PRAM1: variants seen among roughly 807,000 people sequenced by gnomAD.
PRAM1 encodes the protein PML-RARA regulated adaptor molecule 1.
In PRAM1, 41 loss-of-function variants were observed where a neutral mutation model predicts 55.3. The ratio of observed to expected loss-of-function variants is 0.74; its 90% CI spans 0.58 to 0.96. PRAM1 has a LOEUF of 0.96. Among genes scored for constraint, PRAM1 ranks in the 40% least tolerant of loss-of-function variants. The probability of loss-of-function intolerance (pLI) is 0.00; values close to 1 mark genes in which losing one functional copy is unlikely to be tolerated. For synonymous variants in PRAM1, 401 were observed against 387.1 expected (o/e 1.04, Z -0.42); for missense variants, 898 against 892.7 (o/e 1.01, Z -0.08).
rs545393487 is a variant in PRAM1, at chr19:8,502,262, C to T, written c.27+303G>A. ...AAGCACTGCTCTCACCCCAGCAGCC[C>T]GTTCCCACATGGCTGCTCATGTTGA... On this transcript the variant is annotated intron_variant, in intron 1 of 9. Transcript: ENST00000423345. Among the ~76,000 whole-genome samples the T allele has an allele frequency of 3.3e-5, 5 of 152,250 alleles. No homozygotes were observed. In the South Asian group the frequency reaches 6.2e-4, roughly 19 times the overall value.
At chr19:8,491,384 T>C (rs1285823391) in intron 4 of PRAM1, 4 of 595,470 alleles carry the variant, frequency 6.7e-6, no homozygotes, top group Admixed American at 2.9e-5. Context: ...CAGGTGTCCA[T>C]CACCACACCT....
Position 8,490,512 on chromosome 19 carries a change from G to A in PRAM1, c.1907-3C>T. The A allele has an allele frequency of 6.2e-7, 1 of 1,610,552 alleles. No homozygotes were observed. Among genetic ancestry groups the A allele is most frequent in the South Asian group, 1.1e-5 (1 of 90,596 alleles). On this transcript the variant is annotated splice_polypyrimidine_tract_variant and splice_region_variant and intron_variant, in intron 7 of 9. Coordinates refer to ENST00000423345, the MANE Select transcript of PRAM1 (RefSeq NM_032152.5). The surrounding 1 kb of genome is among the most constrained non-coding windows in gnomAD (Gnocchi z 7.3). ...CGCTGTTCTGGGCACGTAGCCATCT[G>A]TGGAGAGAGTGGGCATGGTGGGTTC...
At chr19:8,496,095 C>T (rs1274599449) in intron 4 of PRAM1, 1 of 456,084 alleles carries the variant, frequency 2.2e-6, no homozygotes, top group Non-Finnish European at 4.4e-6. Flanking sequence ...CCTGGACATC[C>T]CCTCAGCTAC....
chr19:8,497,867 CTTCTTT>C, intron 3 of PRAM1, 27 bp from the exon 4 acceptor site: 2 of 676,036 alleles, frequency 3.0e-6, no homozygotes, highest in African/African-American at 2.4e-5. Flanking sequence ...GATGAGGCCT[CTTCTTT>C]TTTTTTTTTT....
At chr19:8,502,463 C>CCCGG in intron 1 of PRAM1, 102 bp downstream of exon 1, 3 of 518,122 alleles carry the variant, frequency 5.8e-6, no homozygotes, top group Non-Finnish European at 1.0e-5. Flanking sequence ...AGCCACCCCC[C>CCCGG]GCCCCCCCGC....
At position 8,498,861 on chromosome 19, in the gene PRAM1, G is replaced by T; in HGVS notation, c.947C>A (p.Ala316Glu). ...PKRPRPAEFK[A>E]LSKKPPQPEL... ...GGGCTGCGGGGGCTTCTTGGAGAGC[G>T]CTTTGAATTCGGCCGGCCGCGGCCT... The change falls in exon 2 of 10, where the codon GCG becomes GAG. Residue 316 changes from alanine to glutamate, a missense_variant. Coordinates refer to ENST00000423345, the MANE Select transcript of PRAM1 (RefSeq NM_032152.5). 1 of 1,609,390 alleles carries T rather than the reference G, an allele frequency of 6.2e-7. No homozygotes were observed. Among genetic ancestry groups the T allele is most frequent in the South Asian group, 1.1e-5 (1 of 90,476 alleles).
Position 8,499,611 on chromosome 19 carries a change from G to GC in PRAM1, c.196dup (p.Ala66GlyfsTer10). 1 of 1,600,260 alleles carries GC rather than the reference G, an allele frequency of 6.2e-7. No homozygotes were observed. Among genetic ancestry groups the GC allele is most frequent in the Non-Finnish European group, 8.5e-7 (1 of 1,177,026 alleles). The stretch of plus-strand genomic sequence containing the variant: ...AGGCGGCGGGGGCTTCAAGGACACT[G>GC]CACCAAACTCAGGCAGCGGGGCCTT... On this transcript the variant is annotated frameshift_variant, in exon 2 of 10. Transcript: ENST00000423345. LOFTEE classifies it high-confidence loss of function.
Position 8,491,085 on chromosome 19 carries a change from C to T in PRAM1, c.1634+15G>A, listed in dbSNP as rs1243998656. On this transcript the variant is annotated intron_variant, in intron 5 of 9. Transcript: ENST00000423345. ...AGCTCGCCCCCCGTCTGCCCACCCC[C>T]TCTGCCCATGGCACCTGAGCGCTGG... 3 of 1,612,292 alleles carry T rather than the reference C, an allele frequency of 1.9e-6. No individual in the cohort carries two copies. Among genetic ancestry groups the T allele is most frequent in the Admixed American group, 1.7e-5 (1 of 60,022 alleles).
Position 8,499,019 on chromosome 19 carries a change from C to T in PRAM1, c.789G>A (p.Lys263=). The T allele has an allele frequency of 6.2e-7, 1 of 1,613,732 alleles. No individual in the cohort carries two copies. Among genetic ancestry groups the T allele is most frequent in the African/African-American group, 1.3e-5 (1 of 74,954 alleles). ...PLWKPQSSEP[K]RDSSAFPKKA... ...TTTTGGGAAAGGCGCTGGAGTCGCGCTTCGGCTCGCTGGACTGAGGCTTCC... is the reference window on the plus strand; with the variant it reads ...TTTTGGGAAAGGCGCTGGAGTCGCGTTTCGGCTCGCTGGACTGAGGCTTCC... The change falls in exon 2 of 10, where the codon AAG becomes AAA. Residue 263 remains lysine, a synonymous_variant. Transcript: ENST00000423345.
intron 4 of PRAM1, among the ~76,000 whole-genome samples, 182 bp downstream of exon 4, chr19:8,497,582 G>A (rs531181956): frequency 6.6e-6 from 1 of 152,144 alleles, no homozygotes; most frequent in Non-Finnish European, 1.5e-5. Flanking sequence ...TGCCAACCTG[G>A]GCCACACCTC....
chr19:8,499,809 G>T, intron 1 of PRAM1, 29 bp from the exon 2 acceptor site: 1 of 1,543,858 alleles, frequency 6.5e-7, no homozygotes. Flanking sequence ...ATGAGGCAGG[G>T]GCTCAAACAC....
intron 4 of PRAM1, 21 bp from the exon 5 acceptor site, chr19:8,491,178 G>C (rs199626749): frequency 6.2e-7 from 1 of 1,605,818 alleles, no homozygotes; most frequent in Non-Finnish European, 8.5e-7. Context: ...TCAGGACTCC[G>C]AGTCAAGGCA....
chr19:8,490,459 T>G lies in PRAM1; in HGVS notation c.1940+17A>C. ...CACACCCCGCACTCCCCCACCACGG[T>G]CAGGGCTGGCACTCACAGGGGCAGG... is the stretch of plus-strand genomic sequence containing the variant. On this transcript the variant is annotated intron_variant, in intron 8 of 9. Transcript: ENST00000423345. The surrounding 1 kb of genome is among the most constrained non-coding windows in gnomAD (Gnocchi z 7.3). 6.2e-7 allele frequency: 1 copy of G among 1,613,022 alleles called. No homozygotes were observed. The highest frequency in any genetic ancestry group is 8.5e-7 in the Non-Finnish European group (1 of 1,179,568).
rs1262038112 is a variant in PRAM1, at chr19:8,498,759, C to T, written c.1049G>A (p.Arg350His). ...TGAGAACTTGCGGGGTGGCCCCCGG[C>T]GCTCCGGCTGCAGCAGCTTCCTGGG... ...SLPRKLLQPE[R>H]RGPPRKFSQP... The change falls in exon 2 of 10, where the codon CGC becomes CAC. Residue 350 changes from arginine (R) to histidine (H), a missense_variant. This residue lies in a region of PRAM1 where 787 missense variants were observed against 735.4 expected (regional missense o/e 1.07). Transcript: ENST00000423345. The T allele has an allele frequency of 1.3e-6, 2 of 1,572,364 alleles. No individual in the cohort carries two copies. The highest frequency in any genetic ancestry group is 1.9e-5 in the Admixed American group (1 of 52,680).
At position 8,499,690 on chromosome 19, in the gene PRAM1, C is replaced by G. The variant is rs368782291; in HGVS notation, c.118G>C (p.Glu40Gln). 5.6e-6 allele frequency: 9 copies of G among 1,613,848 alleles called. No homozygotes were observed. Among genetic ancestry groups the G allele is most frequent in the African/African-American group, 2.7e-5 (2 of 75,000 alleles). ...SDLPKKPPKP[E>Q]FGKLKKFSQP... ...GAGAACTTCTTCAGTTTACCAAACT[C>G]AGGCTTCGGAGGTTTTTTGGGCAGG... is the stretch of plus-strand genomic sequence containing the variant. Residue 40 changes from glutamate to glutamine, a missense_variant, in exon 2 of 10, where the codon GAG (glutamate) becomes CAG (glutamine). Physicochemically the swap from Glu to Gln is conservative, Grantham distance 29 (BLOSUM62 2). Transcript: ENST00000423345.
chr19:8,490,312 C>G lies in PRAM1; in HGVS notation c.1975+26G>C. ...CCCCCGGGGAATCGCCAGGGTCCCT[C>G]CAGCCCTCCCAGAGTGTCCACGTAC... is the stretch of plus-strand genomic sequence containing the variant. On this transcript the variant is annotated intron_variant, in intron 9 of 9. Coordinates refer to ENST00000423345, the MANE Select transcript of PRAM1 (RefSeq NM_032152.5). The surrounding 1 kb of genome is among the most constrained non-coding windows in gnomAD (Gnocchi z 7.3). The G allele has an allele frequency of 6.2e-7, 1 of 1,613,964 alleles. No homozygotes were observed. Among genetic ancestry groups the G allele is most frequent in the East Asian group, 2.2e-5 (1 of 44,872 alleles).
intron 1 of PRAM1, 27 bp downstream of exon 1, chr19:8,502,538 G>A (rs1327991615): frequency 4.7e-6 from 7 of 1,496,916 alleles, no homozygotes; most frequent in Non-Finnish European, 6.3e-6. Flanking sequence ...CCCAGCCAGT[G>A]AGGCACAGGC....
chr19:8,502,463 CG>C, intron 1 of PRAM1, 101 bp downstream of exon 1: 3 of 518,124 alleles, frequency 5.8e-6, no homozygotes, highest in African/African-American at 4.2e-5. Context: ...AGCCACCCCC[CG>C]CCCCCCCGCC....
chr19:8,490,777 G>C lies in PRAM1; in HGVS notation c.1744-21C>G, dbSNP rs1434818647. On this transcript the variant is annotated intron_variant, in intron 6 of 9. Coordinates refer to ENST00000423345, the MANE Select transcript of PRAM1 (RefSeq NM_032152.5). This position sits in a 1 kb window ranked among gnomAD's most constrained non-coding sequence, Gnocchi z 7.3. ...TCAAACTGGGGCGCGAGATGTTAGG[G>C]CCTCTGCTTGTGCTGCCGCCCTTGG... 6.2e-7 allele frequency: 1 copy of C among 1,607,114 alleles called. No individual in the cohort carries two copies. Among genetic ancestry groups the C allele is most frequent in the African/African-American group, 1.3e-5 (1 of 74,892 alleles).
Sources: allele counts gnomAD v4.1 joint callset (sites outside exome capture counted in the v4.1 genomes callset), GRCh38; gene constraint gnomAD v4.1.1; regional missense constraint gnomAD v4.1.1; non-coding constraint Gnocchi (gnomAD v3.1); transcripts MANE v1.5; gene names NCBI Gene and HGNC (gene_info 2026-07-23, HGNC 2026-07-21).